CMKLR2: variants seen among roughly 807,000 people sequenced by gnomAD.
The protein encoded by CMKLR2 is chemerin chemokine-like receptor 2, also known as chemerin-like receptor 2.
Under a neutral mutation model 23.0 loss-of-function variants are expected in CMKLR2, and 18 were observed. The ratio of observed to expected loss-of-function variants is 0.78; its 90% CI spans 0.54 to 1.16. The LOEUF (loss-of-function observed/expected upper bound fraction) is 1.16. CMKLR2 is among the 50% of genes most tolerant of loss of function. The pLI, the probability that CMKLR2 is intolerant of heterozygous loss-of-function variation, is 0.00. For missense variants in CMKLR2, 401 were observed against 412.7 expected (o/e 0.97, Z 0.25); for synonymous variants, 158 against 158.9 (o/e 0.99, Z 0.05).
At chr2:206,211,757 C>T (rs1416667490) in intron 1 of CMKLR2, among the ~76,000 whole-genome samples, 5 of 143,610 alleles carry the variant, frequency 3.5e-5, no homozygotes, top group African/African-American at 1.0e-4. Context: ...CAAAAAAACA[C>T]ACACATTAAA....
In CMKLR2 at chr2:206,176,680, T is replaced by A; in HGVS notation, c.568A>T (p.Asn190Tyr). 1 of 1,614,118 alleles carries A rather than the reference T, an allele frequency of 6.2e-7. No homozygotes were observed. Among genetic ancestry groups the A allele is most frequent in the South Asian group, 1.1e-5 (1 of 91,068 alleles). The part of the protein sequence containing the change: ...EFNNHTLCYN[N>Y]FQKHDPDLTL... ...AGGTCAGGATCATGCTTCTGAAAAT[T>A]GTTATAGCAAAGAGTATGATTATTG... The change falls in exon 2 of 2, where the codon AAT becomes TAT. Residue 190 changes from asparagine (N) to tyrosine (Y), a missense_variant. Coordinates refer to ENST00000621141, the MANE Select transcript of CMKLR2 (RefSeq NM_001389445.1).
intron 1 of CMKLR2, among the ~76,000 whole-genome samples, chr2:206,192,893 C>G (rs938609907): frequency 6.6e-6 from 1 of 152,222 alleles, no homozygotes; most frequent in African/African-American, 2.4e-5. Flanking sequence ...TGCATATAAC[C>G]TATGCACATC....
chr2:206,180,640 C>T lies in CMKLR2; in HGVS notation c.-28-3365G>A, dbSNP rs529896783. On this transcript the variant is annotated intron_variant, in intron 1 of 1. Coordinates refer to ENST00000621141, the MANE Select transcript of CMKLR2 (RefSeq NM_001389445.1). ...GTAGAGATGGGGTCTTGTTATGTTGCCCAGGCTGGTCTTGAACTCTTGGCC... is the reference window on the plus strand; with the variant it reads ...GTAGAGATGGGGTCTTGTTATGTTGTCCAGGCTGGTCTTGAACTCTTGGCC... Among the ~76,000 whole-genome samples the T allele has an allele frequency of 2.0e-5, 3 of 151,818 alleles. No homozygotes were observed. In the South Asian group the frequency reaches 6.3e-4, roughly 32 times the overall value.
At chr2:206,216,661 C>T (rs1306683307), upstream of CMKLR2, among the ~76,000 whole-genome samples, 2 of 152,280 alleles carry the variant, frequency 1.3e-5, no homozygotes, top group South Asian at 2.1e-4. Flanking sequence ...ATACACAATG[C>T]CGCTATCATA....
rs373840930 is a variant in CMKLR2 at position 206,204,353 on chromosome 2, C to CAAA, written c.-29+8951_-29+8953dup. On this transcript the variant is annotated intron_variant, in intron 1 of 1. Transcript: ENST00000621141. ...TGGGCGACAGAGCGAGACTCCATCT[C>CAAA]AAAAAAAAAAAAAAAAAAAAAGTGC... 2.5e-4 allele frequency among the ~76,000 whole-genome samples: 11 copies of CAAA among 44,166 alleles called. 1 individual carries two copies. Among genetic ancestry groups the CAAA allele is most frequent in the African/African-American group, 6.1e-4 (7 of 11,434 alleles). 29.0% of individuals were successfully genotyped at this position (44,166 alleles called of 152,430 possible). A position where few individuals can be genotyped will look rare whatever the true frequency, so the allele number is the denominator to read the frequency against.
intron 1 of CMKLR2, among the ~76,000 whole-genome samples, chr2:206,212,323 A>C (rs568810792): frequency 1.8e-3 from 277 of 152,188 alleles, no homozygotes; most frequent in Non-Finnish European, 2.4e-3. Context: ...AAGATGTACA[A>C]ATATGATGAG....
In CMKLR2 at chr2:206,192,073, G is replaced by C. The variant is rs181735597; in HGVS notation, c.-28-14798C>G. Reference sequence around the variant, plus strand: ...TTGGCCAGGCTGGTCTTGAACTTCTGACCTCGTGATTTTCCCACCTCGGCC... The same window carrying C: ...TTGGCCAGGCTGGTCTTGAACTTCTCACCTCGTGATTTTCCCACCTCGGCC... On this transcript the variant is annotated intron_variant, in intron 1 of 1. Coordinates refer to ENST00000621141, the MANE Select transcript of CMKLR2 (RefSeq NM_001389445.1). Among the ~76,000 whole-genome samples the C allele has an allele frequency of 3.4e-3, 518 of 151,146 alleles. 1 individual carries two copies. The highest frequency in any genetic ancestry group is 0.031 in the Middle Eastern group (9 of 292).
chr2:206,217,103 AT>A (rs1253768480), upstream of CMKLR2, among the ~76,000 whole-genome samples: 2 of 152,168 alleles, frequency 1.3e-5, no homozygotes, highest in African/African-American at 4.8e-5. Flanking sequence ...GAAAAAAAAA[AT>A]CTATCCGGAA....
chr2:206,206,917 C>CCTTTTTT (rs34198269), intron 1 of CMKLR2, among the ~76,000 whole-genome samples: 1 of 126,154 alleles, frequency 7.9e-6, no homozygotes, highest in African/African-American at 3.0e-5. Context: ...CCCCCTGCCC[C>CCTTTTTT]TTTTTTTTTT....
chr2:206,211,177 C>T (rs1006478165), intron 1 of CMKLR2, among the ~76,000 whole-genome samples: 1 of 152,134 alleles, frequency 6.6e-6, no homozygotes, highest in Non-Finnish European at 1.5e-5. Flanking sequence ...GCCTGACCCA[C>T]CCACGAGTGT....
At chr2:206,183,862 C>G (rs373233572) in intron 1 of CMKLR2, among the ~76,000 whole-genome samples, 1 of 152,214 alleles carries the variant, frequency 6.6e-6, no homozygotes, top group Non-Finnish European at 1.5e-5. Context: ...TTTTCAGGTA[C>G]TTCCAGATCT....
intron 1 of CMKLR2, among the ~76,000 whole-genome samples, chr2:206,203,161 C>CAAAAAA (rs35488030): frequency 0.056 from 6,603 of 118,786 alleles, 280 homozygotes; most frequent in East Asian, 0.13. Context: ...TCTAAAACTA[C>CAAAAAA]AAAAAAAAAA....
intron 1 of CMKLR2, among the ~76,000 whole-genome samples, chr2:206,194,490 G>A (rs1332205896): frequency 7.5e-6 from 1 of 133,406 alleles, no homozygotes; most frequent in African/African-American, 2.9e-5. Context: ...ACAGAATATC[G>A]CTCTGTCACC....
At position 206,176,052 on chromosome 2, in the gene CMKLR2, A is replaced by G. The variant is rs1688194837; in HGVS notation, c.*128T>C. The G allele has an allele frequency of 4.5e-6, 3 of 670,360 alleles. No homozygotes were observed. Among genetic ancestry groups the G allele is most frequent in the South Asian group, 4.4e-5 (2 of 45,892 alleles). 41.5% of individuals were successfully genotyped at this position (670,360 alleles called of 1,614,324 possible). On this transcript the variant is annotated 3_prime_UTR_variant, in exon 2 of 2. Transcript: ENST00000621141. ...ATCCACACAAAAATGTGATGCCTAT[A>G]TAGTGACCAGAAACAATAACTATGA...
At chr2:206,188,375 T>A (rs1688647546) in intron 1 of CMKLR2, among the ~76,000 whole-genome samples, 1 of 152,232 alleles carries the variant, frequency 6.6e-6, no homozygotes, top group Non-Finnish European at 1.5e-5. Context: ...AATGCCAGGA[T>A]AAGGCTTTTC....
chr2:206,209,810 G>A (rs1402952102), intron 1 of CMKLR2, among the ~76,000 whole-genome samples: 11 of 151,062 alleles, frequency 7.3e-5, no homozygotes, highest in Non-Finnish European at 7.4e-5. Flanking sequence ...CACGATGCCC[G>A]GCTAATTTTT....
intron 1 of CMKLR2, among the ~76,000 whole-genome samples, chr2:206,210,841 T>C (rs1286580997): frequency 6.6e-6 from 1 of 152,244 alleles, no homozygotes; most frequent in African/African-American, 2.4e-5. Flanking sequence ...AGTAAAATGT[T>C]TCATTGCCAG....
intron 1 of CMKLR2, among the ~76,000 whole-genome samples, chr2:206,202,166 T>C (rs1159873553): frequency 6.6e-6 from 1 of 152,206 alleles, no homozygotes; most frequent in Non-Finnish European, 1.5e-5. Context: ...CAGAGGGTGG[T>C]ACATTTCTCA....
rs777539632 is a variant in CMKLR2, at chr2:206,176,970, T to G, written c.278A>C (p.Tyr93Ser). The G allele has an allele frequency of 6.2e-7, 1 of 1,614,190 alleles. No individual in the cohort carries two copies. Among genetic ancestry groups the G allele is most frequent in the South Asian group, 1.1e-5 (1 of 91,082 alleles). ...DFIFLLFLPL[Y>S]ISYVAMNFHW... ...GAAATTCATGGCCACATAGGAGATG[T>G]ACAGGGGCAGAAAGAGAAGAAAAAT... Residue 93 changes from tyrosine (Y) to serine (S), a missense_variant, in exon 2 of 2, where the codon TAC becomes TCC. By Grantham distance (144) the Tyr-to-Ser change is moderately radical (BLOSUM62 -2). Coordinates refer to ENST00000621141, the MANE Select transcript of CMKLR2 (RefSeq NM_001389445.1).
Sources: gnomAD v4.1 joint callset for allele counts (sites outside exome capture counted in the v4.1 genomes callset) on GRCh38, gnomAD v4.1.1 for gene constraint, MANE v1.5 for transcripts, NCBI Gene and HGNC (gene_info 2026-07-23, HGNC 2026-07-21) for gene names.